MAGI2: variants seen among roughly 807,000 people sequenced by gnomAD.
MAGI2 encodes membrane-associated guanylate kinase, WW and PDZ domain-containing protein 2.
MAGI2 carries 35 observed loss-of-function variants against 133.3 expected under a neutral mutation model. That is an observed-to-expected ratio of 0.26 (90% CI 0.20 to 0.35). The LOEUF is 0.35. Ranked by LOEUF, MAGI2 falls within the 10% of genes least tolerant of loss-of-function variation. The pLI, the probability that MAGI2 is intolerant of heterozygous loss-of-function variation, is 1.00. For synonymous variants in MAGI2, 729 were observed against 710.6 expected, an observed-to-expected ratio of 1.03 and a Z score of -0.41; for missense variants, 1,636 against 1,863.4, an observed-to-expected ratio of 0.88 and a Z score of 2.25.
In MAGI2 at chr7:78,090,709, T is replaced by C. The variant is rs562275963; in HGVS notation, c.3568-11624A>G. Among the ~76,000 whole-genome samples the C allele has an allele frequency of 4.6e-5, 7 of 152,316 alleles. 1 individual carries two copies. In the South Asian group the frequency reaches 1.5e-3, roughly 32 times the overall value. On this transcript the variant is annotated intron_variant, in intron 20 of 21. Coordinates refer to ENST00000354212, the MANE Select transcript of MAGI2 (RefSeq NM_012301.4). ...ATATGAAGAAGGCAAAAAAAATGTA[T>C]TGAGGTAAAAACAACACAATCTTCT...
chr7:78,829,270 T>G (rs1790927783), intron 2 of MAGI2, among the ~76,000 whole-genome samples: 1 of 152,130 alleles, frequency 6.6e-6, no homozygotes, highest in African/African-American at 2.4e-5. Context: ...ATGTTGTTTA[T>G]GTACTTTCTG....
intron 2 of MAGI2, among the ~76,000 whole-genome samples, chr7:78,857,679 A>G (rs1161502575): frequency 6.6e-6 from 1 of 152,172 alleles, no homozygotes; most frequent in African/African-American, 2.4e-5. Context: ...GGATATTTAC[A>G]TCGATGTTCA....
intron 1 of MAGI2, among the ~76,000 whole-genome samples, chr7:79,014,171 C>T (rs1808455675): frequency 6.6e-6 from 1 of 152,158 alleles, no homozygotes; most frequent in South Asian, 2.1e-4. Context: ...ATAATATTCT[C>T]TAGCTCAATT....
At chr7:78,573,851 C>T (rs1054291319) in intron 3 of MAGI2, among the ~76,000 whole-genome samples, 2 of 152,020 alleles carry the variant, frequency 1.3e-5, no homozygotes, top group African/African-American at 4.8e-5. Flanking sequence ...ATAGAAGAAT[C>T]CTCCAGTTTC....
At chr7:79,190,229 T>A (rs1827533699) in intron 1 of MAGI2, among the ~76,000 whole-genome samples, 1 of 151,906 alleles carries the variant, frequency 6.6e-6, no homozygotes, top group South Asian at 2.1e-4. Flanking sequence ...GGTTTTACCA[T>A]TTTTTATTCC....
At chr7:78,109,121 A>G (rs972219173) in intron 20 of MAGI2, among the ~76,000 whole-genome samples, 21 of 148,674 alleles carry the variant, frequency 1.4e-4, no homozygotes, top group Admixed American at 2.7e-4. Context: ...TGGCTAACAC[A>G]GCGAAACCCC....
chr7:78,550,270 T>G (rs1367502117), intron 3 of MAGI2, among the ~76,000 whole-genome samples: 1 of 152,180 alleles, frequency 6.6e-6, no homozygotes, highest in African/African-American at 2.4e-5. Context: ...TGATCTTTTG[T>G]TCAGGCACCC....
intron 6 of MAGI2, among the ~76,000 whole-genome samples, chr7:78,430,741 C>T (rs1444196879): frequency 6.6e-6 from 1 of 152,050 alleles, no homozygotes; most frequent in Non-Finnish European, 1.5e-5. Flanking sequence ...TGAGATTCCC[C>T]CTAAGCAACC....
chr7:78,633,365 G>A (rs1024604566), intron 2 of MAGI2, among the ~76,000 whole-genome samples: 17 of 152,134 alleles, frequency 1.1e-4, no homozygotes, highest in African/African-American at 1.7e-4. Flanking sequence ...GTTTACCTAT[G>A]TCACAAATCT....
intron 1 of MAGI2, among the ~76,000 whole-genome samples, chr7:79,224,733 T>C (rs2129553667): frequency 6.6e-6 from 1 of 151,004 alleles, no homozygotes; most frequent in South Asian, 2.1e-4. Flanking sequence ...CTACATATTG[T>C]ACATCCCATT....
intron 2 of MAGI2, among the ~76,000 whole-genome samples, chr7:78,851,277 C>G (rs1563578819): frequency 6.6e-6 from 1 of 152,012 alleles, no homozygotes; most frequent in African/African-American, 2.4e-5. Context: ...ATCTTAACCA[C>G]AAACAACAAG....
At chr7:78,834,160 C>T (rs1232770846) in intron 2 of MAGI2, among the ~76,000 whole-genome samples, 2 of 152,102 alleles carry the variant, frequency 1.3e-5, no homozygotes, top group African/African-American at 4.8e-5. Context: ...ATGGGCATGG[C>T]TTCAACTCTA....
intron 2 of MAGI2, among the ~76,000 whole-genome samples, chr7:78,889,564 G>T (rs185225967): frequency 5.5e-4 from 83 of 152,284 alleles, no homozygotes; most frequent in Non-Finnish European, 8.2e-4. Context: ...AGACAGTGGG[G>T]ACCAATATTT....
chr7:78,861,496 AC>A (rs1794153715), intron 2 of MAGI2, among the ~76,000 whole-genome samples: 1 of 152,186 alleles, frequency 6.6e-6, no homozygotes, highest in Non-Finnish European at 1.5e-5. Flanking sequence ...ACTCCCCCAT[AC>A]AATTAGACAC....
intron 2 of MAGI2, among the ~76,000 whole-genome samples, chr7:78,809,996 A>C (rs1411184120): frequency 6.6e-6 from 1 of 152,196 alleles, no homozygotes; most frequent in Admixed American, 6.5e-5. Flanking sequence ...TCTCAGCTCA[A>C]GTACATTACT....
chr7:78,098,494 T>A (rs1217227011), intron 20 of MAGI2, among the ~76,000 whole-genome samples: 3 of 152,178 alleles, frequency 2.0e-5, no homozygotes. Context: ...ACAGTTTTTT[T>A]ATTCTATTGA....
intron 1 of MAGI2, among the ~76,000 whole-genome samples, chr7:79,442,914 G>A (rs1848584884): frequency 6.6e-6 from 1 of 151,724 alleles, no homozygotes; most frequent in Non-Finnish European, 1.5e-5. Context: ...CTAGCAAAGA[G>A]TTTAACATCC....
At chr7:78,766,503 C>T (rs1825039844) in intron 2 of MAGI2, among the ~76,000 whole-genome samples, 1 of 152,160 alleles carries the variant, frequency 6.6e-6, no homozygotes, top group Admixed American at 6.5e-5. Flanking sequence ...CAACTGGAGT[C>T]ATCAGTTAAG....
At chr7:79,180,952 A>G (rs1455677431) in intron 1 of MAGI2, among the ~76,000 whole-genome samples, 1 of 151,930 alleles carries the variant, frequency 6.6e-6, no homozygotes, top group Non-Finnish European at 1.5e-5. Flanking sequence ...ATCTCCTTTG[A>G]CTTCATGTCT....
Sources: gnomAD v4.1 joint callset for allele counts (sites outside exome capture counted in the v4.1 genomes callset) on GRCh38, gnomAD v4.1.1 for gene constraint, MANE v1.5 for transcripts, NCBI Gene and HGNC (gene_info 2026-07-23, HGNC 2026-07-21) for gene names.